FUNDC1: variants seen among roughly 807,000 people sequenced by gnomAD.
FUNDC1 encodes FUN14 domain-containing protein 1.
Under a neutral mutation model 14.5 loss-of-function variants are expected in FUNDC1, and 10 were observed. The ratio of observed to expected loss-of-function variants is 0.69; its 90% CI spans 0.43 to 1.17. The LOEUF is 1.17. FUNDC1 is among the 50% of genes most tolerant of loss of function. FUNDC1 has a pLI of 0.00. For missense variants in FUNDC1, 115 were observed against 113.8 expected (o/e 1.01, Z -0.05); for synonymous variants, 33 against 39.7 (o/e 0.83, Z 0.64).
chrX:44,536,298 G>A (rs1468390678), intron 3 of FUNDC1, among the ~76,000 whole-genome samples: 5 of 98,185 alleles, frequency 5.1e-5, no homozygotes, highest in South Asian at 5.2e-4. Context: ...TAGCCTGGGC[G>A]ACAGAGCGAG....
At chrX:44,525,568 T>C (rs2038897276) in intron 4 of FUNDC1, among the ~76,000 whole-genome samples, 1 of 110,481 alleles carries the variant, frequency 9.1e-6, no homozygotes, top group African/African-American at 3.3e-5. Context: ...TATTAGAAAA[T>C]ACTGGCTGGG....
intron 3 of FUNDC1, among the ~76,000 whole-genome samples, chrX:44,528,975 A>G (rs953187664): frequency 1.8e-5 from 2 of 112,060 alleles, no homozygotes; most frequent in Non-Finnish European, 3.8e-5. Context: ...GATTACAGGC[A>G]TGAGCCACCG....
chrX:44,541,481 A>G (rs1041813738), intron 2 of FUNDC1, among the ~76,000 whole-genome samples: 3 of 112,205 alleles, frequency 2.7e-5, no homozygotes, highest in Non-Finnish European at 3.8e-5. Context: ...AATCATCTGT[A>G]TCATCACCAA....
chrX:44,534,136 C>T (rs2038938232), intron 3 of FUNDC1, among the ~76,000 whole-genome samples: 1 of 107,430 alleles, frequency 9.3e-6, no homozygotes, highest in African/African-American at 3.4e-5. Flanking sequence ...AGAAAATAGA[C>T]CAAAAAGATA....
chrX:44,527,208 A>G, intron 4 of FUNDC1, 29 bp downstream of exon 4: 1 of 1,129,445 alleles, frequency 8.9e-7, no homozygotes, highest in East Asian at 3.1e-5. Flanking sequence ...GAAAAAAAAA[A>G]AAAAAGTCAA....
At chrX:44,537,556 T>C (rs2038953757) in intron 3 of FUNDC1, among the ~76,000 whole-genome samples, 1 of 112,002 alleles carries the variant, frequency 8.9e-6, no homozygotes, top group Non-Finnish European at 1.9e-5. Flanking sequence ...AGAAAACATA[T>C]ATATTTTTAA....
At position 44,542,666 on chromosome X, in the gene FUNDC1, G is replaced by C. The variant is rs145411697; in HGVS notation, c.28+139C>G. On this transcript the variant is annotated intron_variant, in intron 1 of 4. Transcript: ENST00000378045. ...GGGGAGGAAAAAGTCTAGCTCGGAG[G>C]GGGTGCTCGAAGGGGCTGCCTTAAA... 2,182 of 575,954 alleles carry C rather than the reference G, an allele frequency of 3.8e-3. 39 individuals carry two copies. In the African/African-American group the frequency reaches 0.044, roughly 12 times the overall value. 47.5% of individuals were successfully genotyped at this position (575,954 alleles called of 1,213,427 possible). A position where few individuals can be genotyped will look rare whatever the true frequency, so the allele number is the denominator to read the frequency against.
chrX:44,539,885 T>C (rs1391516717), intron 2 of FUNDC1, among the ~76,000 whole-genome samples: 2 of 110,761 alleles, frequency 1.8e-5, no homozygotes, highest in Admixed American at 1.9e-4. Context: ...CAGGCTAGTC[T>C]TGAACTCCTG....
At chrX:44,529,476 G>A (rs752905029) in intron 3 of FUNDC1, among the ~76,000 whole-genome samples, 2 of 111,063 alleles carry the variant, frequency 1.8e-5, no homozygotes, top group Non-Finnish European at 3.8e-5. Context: ...CAGACAGAGC[G>A]TCTTCCCTCT....
At chrX:44,537,525 G>A (rs1012405953) in intron 3 of FUNDC1, among the ~76,000 whole-genome samples, 3 of 111,597 alleles carry the variant, frequency 2.7e-5, no homozygotes, top group Non-Finnish European at 5.6e-5. Context: ...GCAATTATTC[G>A]TAATAATGTC....
At chrX:44,531,247 AACACACAC>A (rs759868973) in intron 3 of FUNDC1, among the ~76,000 whole-genome samples, 12 of 50,405 alleles carry the variant, frequency 2.4e-4, no homozygotes, top group South Asian at 8.4e-4. Flanking sequence ...TTTCCAGAAA[AACACACAC>A]ACACACACAC....
intron 2 of FUNDC1, 92 bp from the exon 3 acceptor site, chrX:44,538,634 T>A (rs994794900): frequency 4.3e-6 from 3 of 689,996 alleles, no homozygotes; most frequent in Non-Finnish European, 6.8e-6. Context: ...TAAAATCTTA[T>A]GTCTTTGCAT....
intron 3 of FUNDC1, among the ~76,000 whole-genome samples, chrX:44,537,155 T>G (rs12389196): frequency 0.14 from 15,836 of 111,484 alleles, 1,790 homozygotes; most frequent in African/African-American, 0.38. Context: ...AGACTACGTG[T>G]ACTAAATGCG....
chrX:44,536,085 G>A (rs1382227407), intron 3 of FUNDC1, among the ~76,000 whole-genome samples: 6 of 109,293 alleles, frequency 5.5e-5, no homozygotes, highest in African/African-American at 2.0e-4. Flanking sequence ...AGGCCGAGGC[G>A]GGTGGATCAA....
At chrX:44,531,133 T>C (rs1455372890) in intron 3 of FUNDC1, among the ~76,000 whole-genome samples, 2 of 107,651 alleles carry the variant, frequency 1.9e-5, no homozygotes, top group African/African-American at 3.4e-5. Context: ...TCCCAGCTAC[T>C]TGAGAGGCTG....
chrX:44,537,711 A>T (rs2038954245), intron 3 of FUNDC1, among the ~76,000 whole-genome samples: 1 of 112,020 alleles, frequency 8.9e-6, no homozygotes, highest in Non-Finnish European at 1.9e-5. Flanking sequence ...AATCATTTTT[A>T]AAATCTAGTA....
intron 3 of FUNDC1, among the ~76,000 whole-genome samples, 188 bp downstream of exon 3, chrX:44,538,279 C>T (rs924109091): frequency 1.8e-5 from 2 of 112,513 alleles, no homozygotes; most frequent in African/African-American, 3.2e-5. Context: ...CCAATGCGCT[C>T]GGTAATGGCT....
intron 3 of FUNDC1, among the ~76,000 whole-genome samples, chrX:44,536,218 C>A (rs1314127655): frequency 2.8e-5 from 3 of 106,641 alleles, no homozygotes; most frequent in African/African-American, 1.0e-4. Context: ...ACTTGGGAGG[C>A]TGAGGCAGGA....
chrX:44,527,356 G>A lies in FUNDC1; in HGVS notation c.271C>T (p.His91Tyr), dbSNP rs375648218. Reference protein sequence around the residue: ...GGFLLLQIASHSGYVQIDWKR... With the variant: ...GGFLLLQIASYSGYVQIDWKR... ...CAGTCAATCTGCACATAGCCACTAT[G>A]ACTAGCAATCTGCAAAAAATATAAT... Residue 91 changes from histidine to tyrosine, a missense_variant, in exon 4 of 5, where the codon CAT (histidine) becomes TAT (tyrosine). Coordinates refer to ENST00000378045, the MANE Select transcript of FUNDC1 (RefSeq NM_173794.4). 2.0e-5 allele frequency: 23 copies of A among 1,175,758 alleles called. No individual in the cohort carries two copies. Among genetic ancestry groups the A allele is most frequent in the Non-Finnish European group, 2.5e-5 (22 of 876,175 alleles).
Sources: gnomAD v4.1 joint callset for allele counts (sites outside exome capture counted in the v4.1 genomes callset) on GRCh38, gnomAD v4.1.1 for gene constraint, MANE v1.5 for transcripts, NCBI Gene and HGNC (gene_info 2026-07-23, HGNC 2026-07-21) for gene names.